SIL1: variants seen among roughly 807,000 people sequenced by gnomAD.
The protein encoded by SIL1 is nucleotide exchange factor SIL1.
SIL1 carries 40 observed loss-of-function variants against 49.1 expected under a neutral mutation model. The ratio of observed to expected loss-of-function variants is 0.81; its 90% CI spans 0.63 to 1.06. SIL1 has a LOEUF of 1.06. Among genes scored for constraint, SIL1 ranks in the 50% least tolerant of loss-of-function variants. The pLI, the probability that SIL1 is intolerant of heterozygous loss-of-function variation, is 0.00. For missense variants in SIL1, 500 were observed against 572.6 expected, an observed-to-expected ratio of 0.87 and a Z score of 1.29; for synonymous variants, 253 against 250.8, an observed-to-expected ratio of 1.01 and a Z score of -0.08.
chr5:139,062,257 CA>C (rs1769608072), intron 3 of SIL1, among the ~76,000 whole-genome samples: 1 of 151,794 alleles, frequency 6.6e-6, no homozygotes, highest in Non-Finnish European at 1.5e-5. Context: ...TTTTAAACAG[CA>C]AAATACATAA....
chr5:139,006,485 T>C (rs1352167020), intron 7 of SIL1, among the ~76,000 whole-genome samples: 3 of 129,198 alleles, frequency 2.3e-5, no homozygotes, highest in African/African-American at 9.0e-5. Context: ...ATTTTGGCTT[T>C]TGTTGCCATT....
At chr5:139,024,130 G>A (rs1246388999) in intron 6 of SIL1, among the ~76,000 whole-genome samples, 1 of 152,138 alleles carries the variant, frequency 6.6e-6, no homozygotes, top group African/African-American at 2.4e-5. Context: ...CAGTCATTTT[G>A]GTGTTTCATG....
intron 7 of SIL1, among the ~76,000 whole-genome samples, chr5:138,990,959 G>A (rs1291787883): frequency 6.6e-6 from 1 of 152,180 alleles, no homozygotes; most frequent in Non-Finnish European, 1.5e-5. Flanking sequence ...CAGGTGATCC[G>A]CCTGCCTCAG....
At chr5:139,001,847 G>A (rs1767990399) in intron 7 of SIL1, among the ~76,000 whole-genome samples, 1 of 152,002 alleles carries the variant, frequency 6.6e-6, no homozygotes, top group African/African-American at 2.4e-5. Context: ...AGAGGTTGCC[G>A]TGAGCCAAGT....
chr5:139,170,557 C>T (rs1396487227), intron 1 of SIL1, among the ~76,000 whole-genome samples: 10 of 151,138 alleles, frequency 6.6e-5, no homozygotes, highest in South Asian at 2.1e-4. Context: ...TGCCCGGCCG[C>T]GACCCCGTCT....
intron 1 of SIL1, among the ~76,000 whole-genome samples, chr5:139,150,759 G>A (rs1186051906): frequency 6.6e-6 from 1 of 152,178 alleles, no homozygotes; most frequent in African/African-American, 2.4e-5. Flanking sequence ...CTAGAACGTG[G>A]GCTGCGGGGA....
chr5:139,120,314 C>G (rs1256915085), intron 3 of SIL1, among the ~76,000 whole-genome samples: 1 of 152,048 alleles, frequency 6.6e-6, no homozygotes, highest in Non-Finnish European at 1.5e-5. Context: ...GCTCTGGGGT[C>G]AATGGCATAG....
intron 6 of SIL1, among the ~76,000 whole-genome samples, chr5:139,025,693 T>C (rs1238976550): frequency 1.3e-5 from 2 of 152,094 alleles, no homozygotes; most frequent in African/African-American, 2.4e-5. Context: ...ACTCCAATCT[T>C]TTCCAGGCCC....
chr5:138,978,722 T>C (rs1384114739), intron 7 of SIL1, among the ~76,000 whole-genome samples: 1 of 152,236 alleles, frequency 6.6e-6, no homozygotes, highest in Non-Finnish European at 1.5e-5. Flanking sequence ...TTTTTGAGTA[T>C]ACAGTGTTCT....
chr5:139,181,446 G>A (rs1220371884), intron 1 of SIL1, among the ~76,000 whole-genome samples: 3 of 152,176 alleles, frequency 2.0e-5, no homozygotes, highest in Non-Finnish European at 4.4e-5. Context: ...GTACTGCAGA[G>A]GGACAAGCAG....
intron 1 of SIL1, among the ~76,000 whole-genome samples, chr5:139,184,372 T>C (rs567409295): frequency 6.6e-6 from 1 of 152,200 alleles, no homozygotes; most frequent in South Asian, 2.1e-4. Flanking sequence ...TTTACCACCA[T>C]AAAATGGGGG....
chr5:139,051,301 A>G (rs1769279212), intron 3 of SIL1: 1 of 522,736 alleles, frequency 1.9e-6, no homozygotes, highest in African/African-American at 1.9e-5. Flanking sequence ...TCTAGAGACC[A>G]ATGTCCCCCA....
intron 7 of SIL1, among the ~76,000 whole-genome samples, chr5:138,987,759 G>A (rs1767676685): frequency 6.6e-6 from 1 of 152,216 alleles, no homozygotes; most frequent in South Asian, 2.1e-4. Flanking sequence ...AAGGGCCACG[G>A]CCCAACCAGC....
chr5:139,018,416 C>T (rs1005984602), intron 7 of SIL1, among the ~76,000 whole-genome samples: 1 of 151,902 alleles, frequency 6.6e-6, no homozygotes, highest in Non-Finnish European at 1.5e-5. Context: ...ATGGTGAAAC[C>T]TTGCCTCTAC....
intron 7 of SIL1, among the ~76,000 whole-genome samples, chr5:138,968,700 T>C (rs1362002615): frequency 1.3e-5 from 2 of 152,098 alleles, no homozygotes; most frequent in Admixed American, 6.5e-5. Flanking sequence ...TTGTTGTCTG[T>C]TCAACTGTGA....
rs1224998400 is a variant in SIL1 at position 139,011,267 on chromosome 5, A to T, written c.767+9904T>A. Among the ~76,000 whole-genome samples the T allele has an allele frequency of 2.0e-5, 3 of 151,276 alleles. No homozygotes were observed. The East Asian group carries it at 5.8e-4, about 29-fold the overall frequency. Reference sequence around the variant, plus strand: ...CCCCTTTCTTTGACTCGGAAAGGGAACTCCCTGACCCCTTGCGCTTCCCAG... The same window carrying T: ...CCCCTTTCTTTGACTCGGAAAGGGATCTCCCTGACCCCTTGCGCTTCCCAG... On this transcript the variant is annotated intron_variant, in intron 7 of 9. Transcript: ENST00000394817.
At chr5:139,157,811 G>A (rs1751432800) in intron 1 of SIL1, among the ~76,000 whole-genome samples, 1 of 152,140 alleles carries the variant, frequency 6.6e-6, no homozygotes, top group Non-Finnish European at 1.5e-5. Context: ...CAGTTTGGTG[G>A]AATAGCAAAG....
At chr5:139,090,482 A>C (rs1016046961) in intron 3 of SIL1, among the ~76,000 whole-genome samples, 4 of 152,176 alleles carry the variant, frequency 2.6e-5, no homozygotes, top group African/African-American at 9.7e-5. Context: ...AAACCTCTAC[A>C]ATTAAAATGG....
At chr5:139,062,893 T>C (rs1387149137) in intron 3 of SIL1, among the ~76,000 whole-genome samples, 1 of 152,244 alleles carries the variant, frequency 6.6e-6, no homozygotes, top group Admixed American at 6.5e-5. Context: ...GGGCCACTGC[T>C]GTGTTGGGCA....
Sources: gnomAD v4.1 joint callset for allele counts (sites outside exome capture counted in the v4.1 genomes callset) on GRCh38, gnomAD v4.1.1 for gene constraint, MANE v1.5 for transcripts, NCBI Gene and HGNC (gene_info 2026-07-23, HGNC 2026-07-21) for gene names.